Variants in PTCD2 observed in about 807,000 individuals in gnomAD.
PTCD2 encodes pentatricopeptide repeat-containing protein 2, mitochondrial.
Under a neutral mutation model 42.6 loss-of-function variants are expected in PTCD2, and 31 were observed. The ratio of observed to expected loss-of-function variants is 0.73; its 90% CI spans 0.55 to 0.98. PTCD2 has a LOEUF of 0.98. PTCD2 is among the 50% of genes least tolerant of loss of function. The pLI is 0.00. For missense variants in PTCD2, 476 were observed against 454.8 expected (o/e 1.05, Z -0.42); for synonymous variants, 183 against 170.9 (o/e 1.07, Z -0.55).
At chr5:72,324,800 AC>A (rs1205479935) in intron 2 of PTCD2, among the ~76,000 whole-genome samples, 1 of 152,038 alleles carries the variant, frequency 6.6e-6, no homozygotes, top group Non-Finnish European at 1.5e-5. Flanking sequence ...ACTATTCCTT[AC>A]GCTTCTTGGT....
chr5:72,362,838 GTTTCTGTAGGAGGT>G lies in PTCD2; in HGVS notation c.*4412_*4425del, dbSNP rs1753124808. 6 of 152,142 alleles carry G rather than the reference GTTTCTGTAGGAGGT, an allele frequency of 3.9e-5. No homozygotes were observed. Among genetic ancestry groups the G allele is most frequent in the African/African-American group, 1.4e-4 (6 of 41,428 alleles). 9.4% of individuals were successfully genotyped at this position (152,142 alleles called of 1,614,324 possible). On this transcript the variant is annotated 3_prime_UTR_variant, in exon 10 of 10. Coordinates refer to ENST00000380639, the MANE Select transcript of PTCD2 (RefSeq NM_024754.5). ...CATGTTGACTCCCAGGGATCTTTTTGTTTCTGTAGGAGGTGCTCATTACAGAGTGGCCAAATTCC... is the reference window on the plus strand; with the variant it reads ...CATGTTGACTCCCAGGGATCTTTTTGGCTCATTACAGAGTGGCCAAATTCC...
At chr5:72,341,320 A>G (rs1752048058) in intron 7 of PTCD2, among the ~76,000 whole-genome samples, 1 of 152,194 alleles carries the variant, frequency 6.6e-6, no homozygotes, top group Admixed American at 6.5e-5. Context: ...CCGGGATTAC[A>G]GGCGTGAGCC....
At chr5:72,343,129 AC>A in intron 8 of PTCD2, 93 bp downstream of exon 8, 3 of 537,282 alleles carry the variant, frequency 5.6e-6, no homozygotes, top group African/African-American at 2.0e-5. Flanking sequence ...TTAGCTGTAT[AC>A]AATGACTTGC....
At chr5:72,344,636 C>T (rs969150242) in intron 8 of PTCD2, among the ~76,000 whole-genome samples, 1 of 152,130 alleles carries the variant, frequency 6.6e-6, no homozygotes, top group African/African-American at 2.4e-5. Flanking sequence ...ATTGGGGGAA[C>T]CTGCCCCCAA....
Position 72,360,475 on chromosome 5 carries a change from C to T in PTCD2, c.*2048C>T, listed in dbSNP as rs1036233455. On this transcript the variant is annotated 3_prime_UTR_variant, in exon 10 of 10. Transcript: ENST00000380639. ...GAAAAACTGGTCCATTCCACCTGTT[C>T]CCAGAAACCTCAGTACAGAGGTAGC... The T allele has an allele frequency of 5.9e-4, 90 of 152,164 alleles. No individual in the cohort carries two copies. Among genetic ancestry groups the T allele is most frequent in the African/African-American group, 2.1e-3 (88 of 41,428 alleles). The allele number at this position is 152,164 out of a possible 1,614,324, so 9.4% of individuals were successfully genotyped here.
At chr5:72,328,147 C>T (rs1751244948) in intron 3 of PTCD2, among the ~76,000 whole-genome samples, 1 of 152,160 alleles carries the variant, frequency 6.6e-6, no homozygotes, top group Non-Finnish European at 1.5e-5. Context: ...TGGCTTAACA[C>T]AGTAACTATT....
Position 72,343,019 on chromosome 5 carries a change from G to A in PTCD2, c.811G>A (p.Ala271Thr). 3.8e-6 allele frequency: 6 copies of A among 1,589,320 alleles called. No homozygotes were observed. In the South Asian group the frequency reaches 6.8e-5, roughly 18 times the overall value. ...FSQIMNPESI[A>T]CINLNIIIHI... The stretch of plus-strand genomic sequence containing the variant: ...TCAAATCATGAATCCAGAAAGCATA[G>A]CCTGCATTAATTTAAATGTAAGTGA... Residue 271 changes from alanine (A) to threonine (T), a missense_variant, in exon 8 of 10, where the codon GCC (alanine) becomes ACC (threonine). Physicochemically the swap from Ala to Thr is moderately conservative, Grantham distance 58 (BLOSUM62 0). Transcript: ENST00000380639.
chr5:72,328,947 C>G (rs778899720), intron 3 of PTCD2, among the ~76,000 whole-genome samples: 2 of 152,140 alleles, frequency 1.3e-5, no homozygotes, highest in Admixed American at 6.5e-5. Flanking sequence ...CAATATATAA[C>G]TGTCAGATTA....
intron 8 of PTCD2, among the ~76,000 whole-genome samples, chr5:72,344,744 C>T (rs112003031): frequency 0.017 from 2,540 of 151,968 alleles, 76 homozygotes; most frequent in African/African-American, 0.055. Flanking sequence ...GCTGGGTGTC[C>T]GGGGGAGACA....
chr5:72,340,989 G>A (rs1169778999), intron 7 of PTCD2, among the ~76,000 whole-genome samples: 21 of 143,320 alleles, frequency 1.5e-4, no homozygotes, highest in Middle Eastern at 3.6e-3. Context: ...TTTTGAGACA[G>A]AGTCTCACTC....
chr5:72,326,466 C>G (rs1011868650), intron 2 of PTCD2, 146 bp from the exon 3 acceptor site: 1 of 768,124 alleles, frequency 1.3e-6, no homozygotes, highest in African/African-American at 1.7e-5. Flanking sequence ...AGGAGATTGG[C>G]CAGTGATGGC....
chr5:72,326,694 G>A lies in PTCD2; in HGVS notation c.303G>A (p.Leu101=), dbSNP rs1457811581. The change falls in exon 3 of 10, where the codon TTG becomes TTA. Residue 101 remains leucine, a synonymous_variant. Coordinates refer to ENST00000380639, the MANE Select transcript of PTCD2 (RefSeq NM_024754.5). Reference sequence around the variant, plus strand: ...GGGAGTTGATAACCTTACTACATTTGTGTGAGTCTCGGGACCATGTGGAAC... The same window carrying A: ...GGGAGTTGATAACCTTACTACATTTATGTGAGTCTCGGGACCATGTGGAAC... The part of the protein sequence containing the change: ...LKGELITLLH[L]CESRDHVELA... The A allele has an allele frequency of 3.7e-6, 6 of 1,614,176 alleles. No homozygotes were observed. The highest frequency in any genetic ancestry group is 2.2e-5 in the South Asian group (2 of 91,084).
In PTCD2 at chr5:72,335,837, G is replaced by A. The variant is rs1156781070; in HGVS notation, c.591G>A (p.Lys197=). Residue 197 remains lysine, a synonymous_variant, in exon 6 of 10, where the codon AAG becomes AAA. Coordinates refer to ENST00000380639, the MANE Select transcript of PTCD2 (RefSeq NM_024754.5). The stretch of plus-strand genomic sequence containing the variant: ...TAGAGATGAAAAACCAAGATGTGAA[G>A]TTCACCAAAGATACCTATGTTCTTG... ...VLIEMKNQDV[K]FTKDTYVLAF... is the part of the protein sequence containing the mutation. 3.7e-6 allele frequency: 6 copies of A among 1,613,852 alleles called. No individual in the cohort carries two copies. The highest frequency in any genetic ancestry group is 5.1e-6 in the Non-Finnish European group (6 of 1,179,870).
intron 7 of PTCD2, 113 bp downstream of exon 7, chr5:72,338,848 C>A (rs1356544311): frequency 2.7e-5 from 15 of 552,070 alleles, no homozygotes; most frequent in Non-Finnish European, 4.9e-5. Context: ...AAGTAGTCAC[C>A]ATAAAGAGAC....
At chr5:72,347,838 TG>T (rs781607368) in intron 8 of PTCD2, among the ~76,000 whole-genome samples, 20 of 152,020 alleles carry the variant, frequency 1.3e-4, no homozygotes, top group Non-Finnish European at 1.6e-4. Context: ...GAAAAAAGTG[TG>T]TGCTTGCCCA....
chr5:72,350,036 A>T (rs1040758050), intron 8 of PTCD2, among the ~76,000 whole-genome samples: 4 of 152,224 alleles, frequency 2.6e-5, no homozygotes, highest in African/African-American at 9.6e-5. Flanking sequence ...TGCTGGGGGA[A>T]CCAAGCTCCT....
intron 6 of PTCD2, among the ~76,000 whole-genome samples, chr5:72,337,849 CCT>C (rs1268234104): frequency 6.6e-6 from 1 of 152,146 alleles, no homozygotes; most frequent in Non-Finnish European, 1.5e-5. Context: ...ACTTTTCTCC[CCT>C]GTGTCATGTC....
At chr5:72,325,204 T>C (rs1183452089) in intron 2 of PTCD2, among the ~76,000 whole-genome samples, 1 of 152,226 alleles carries the variant, frequency 6.6e-6, no homozygotes, top group African/African-American at 2.4e-5. Flanking sequence ...ATTACAGGCC[T>C]GAGCCACTGC....
rs138477229 is a variant in PTCD2, at chr5:72,325,067, C to T, written c.221-1545C>T. ...CCTCCCTAGTAGCTGGGATTACAGG[C>T]GTGCACCACCACACCTGGCTACTTT... On this transcript the variant is annotated intron_variant, in intron 2 of 9. Coordinates refer to ENST00000380639, the MANE Select transcript of PTCD2 (RefSeq NM_024754.5). 9.5e-3 allele frequency among the ~76,000 whole-genome samples: 1,445 copies of T among 152,076 alleles called. 33 individuals carry two copies. Among genetic ancestry groups the T allele is most frequent in the African/African-American group, 0.032 (1,316 of 41,462 alleles).
Sources: gnomAD v4.1 joint callset for allele counts (sites outside exome capture counted in the v4.1 genomes callset) on GRCh38, gnomAD v4.1.1 for gene constraint, MANE v1.5 for transcripts, NCBI Gene and HGNC (gene_info 2026-07-23, HGNC 2026-07-21) for gene names.